EGFLAM: variants seen among roughly 807,000 people sequenced by gnomAD.
The protein encoded by EGFLAM is EGF like, fibronectin type III and laminin G domains, also known as pikachurin.
Under a neutral mutation model 113.1 loss-of-function variants are expected in EGFLAM, and 79 were observed. The observed-to-expected ratio is 0.70, with a 90% CI of 0.58 to 0.84. The LOEUF is 0.84. Among genes scored for constraint, EGFLAM ranks in the 40% least tolerant of loss-of-function variants. The pLI, the probability that EGFLAM is intolerant of heterozygous loss-of-function variation, is 0.00. For missense variants in EGFLAM, 1,265 were observed against 1,291.6 expected (o/e 0.98, Z 0.32); for synonymous variants, 504 against 487.6 (o/e 1.03, Z -0.44).
intron 5 of EGFLAM, among the ~76,000 whole-genome samples, chr5:38,369,462 T>C (rs1170193233): frequency 6.6e-6 from 1 of 152,192 alleles, no homozygotes; most frequent in African/African-American, 2.4e-5. Context: ...AAGTTACTAG[T>C]TCTGTGAAGA....
At chr5:38,310,960 C>T (rs1738425474) in intron 1 of EGFLAM, among the ~76,000 whole-genome samples, 1 of 152,022 alleles carries the variant, frequency 6.6e-6, no homozygotes, top group South Asian at 2.1e-4. Context: ...TCAGCACCTA[C>T]CCCGTCCTTA....
At chr5:38,422,066 C>T (rs994884732) in intron 12 of EGFLAM, among the ~76,000 whole-genome samples, 1 of 151,864 alleles carries the variant, frequency 6.6e-6, no homozygotes, top group Non-Finnish European at 1.5e-5. Flanking sequence ...AATAGGTGGG[C>T]CTCGGTTACG....
chr5:38,321,354 C>T (rs923557878), intron 1 of EGFLAM, among the ~76,000 whole-genome samples: 1 of 152,176 alleles, frequency 6.6e-6, no homozygotes, highest in African/African-American at 2.4e-5. Context: ...ACTGTAAATA[C>T]AGACGAAGCT....
chr5:38,452,307 C>T (rs889045397), intron 19 of EGFLAM, among the ~76,000 whole-genome samples: 2 of 152,232 alleles, frequency 1.3e-5, no homozygotes, highest in Admixed American at 6.5e-5. Context: ...GCTGGGATTA[C>T]AGGCATGAAT....
intron 12 of EGFLAM, among the ~76,000 whole-genome samples, chr5:38,421,643 T>C (rs1406221897): frequency 2.0e-5 from 3 of 152,196 alleles, no homozygotes; most frequent in African/African-American, 7.2e-5. Context: ...ATTAATATAG[T>C]AATCACACAG....
At chr5:38,438,603 A>G in intron 17 of EGFLAM, 148 bp downstream of exon 17, 4 of 791,044 alleles carry the variant, frequency 5.1e-6, no homozygotes, top group Non-Finnish European at 7.3e-6. Flanking sequence ...AACTTATTAG[A>G]TGATTATTTA....
At chr5:38,264,003 G>A (rs577294801) in intron 1 of EGFLAM, among the ~76,000 whole-genome samples, 3 of 152,264 alleles carry the variant, frequency 2.0e-5, no homozygotes, top group East Asian at 3.9e-4. Flanking sequence ...GGTATAGATC[G>A]TTTGTCTCTC....
chr5:38,338,300 C>T (rs1201750022), intron 2 of EGFLAM, among the ~76,000 whole-genome samples: 1 of 152,166 alleles, frequency 6.6e-6, no homozygotes, highest in Non-Finnish European at 1.5e-5. Flanking sequence ...GCTACTGTCT[C>T]CATTTCACCA....
chr5:38,362,388 G>C (rs1739946222), intron 5 of EGFLAM, among the ~76,000 whole-genome samples: 1 of 152,144 alleles, frequency 6.6e-6, no homozygotes, highest in Non-Finnish European at 1.5e-5. Context: ...ACATATGACT[G>C]CAATATTTAA....
chr5:38,352,346 CA>C lies in EGFLAM; in HGVS notation c.545+16del, dbSNP rs752462359. On this transcript the variant is annotated intron_variant, in intron 5 of 21. Transcript: ENST00000322350. The stretch of plus-strand genomic sequence containing the variant: ...GAATTCATCAGGTAAGTCTGTATGT[CA>C]CATTCAAAAGCCAAATGTGTGCTGG... The C allele has an allele frequency of 6.2e-7, 1 of 1,613,230 alleles. No homozygotes were observed. Among genetic ancestry groups the C allele is most frequent in the Non-Finnish European group, 8.5e-7 (1 of 1,179,448 alleles).
intron 16 of EGFLAM, 142 bp from the exon 17 acceptor site, chr5:38,438,133 A>G: frequency 1.3e-6 from 1 of 768,902 alleles, no homozygotes; most frequent in East Asian, 3.1e-5. Flanking sequence ...AAAAAAAAAA[A>G]AAAAAAAGTG....
At chr5:38,315,317 T>C (rs1738563240) in intron 1 of EGFLAM, among the ~76,000 whole-genome samples, 1 of 152,184 alleles carries the variant, frequency 6.6e-6, no homozygotes, top group African/African-American at 2.4e-5. Context: ...TGCCAGAAAA[T>C]AGACAATTCA....
At chr5:38,430,117 G>T in intron 14 of EGFLAM, 1 of 224,704 alleles carries the variant, frequency 4.5e-6, no homozygotes, top group South Asian at 7.4e-5. Context: ...AGTAGCATCT[G>T]GCCAGGACCA....
chr5:38,265,615 G>A (rs1402670506), intron 1 of EGFLAM, among the ~76,000 whole-genome samples: 1 of 152,174 alleles, frequency 6.6e-6, no homozygotes, highest in Non-Finnish European at 1.5e-5. Flanking sequence ...CCTCGCCTTC[G>A]AGGAAGGACC....
intron 6 of EGFLAM, among the ~76,000 whole-genome samples, chr5:38,402,292 G>A (rs540518123): frequency 6.6e-6 from 1 of 152,314 alleles, no homozygotes; most frequent in East Asian, 1.9e-4. Flanking sequence ...GTAGTCAAAA[G>A]AGAGACCAAG....
intron 12 of EGFLAM, among the ~76,000 whole-genome samples, chr5:38,419,767 C>G (rs1741768011): frequency 6.6e-6 from 1 of 152,178 alleles, no homozygotes; most frequent in Non-Finnish European, 1.5e-5. Flanking sequence ...AGTGCTCATG[C>G]CTGTAATCTC....
chr5:38,258,594 C>G lies in EGFLAM; in HGVS notation c.-161C>G, dbSNP rs930641164. 2 of 779,540 alleles carry G rather than the reference C, an allele frequency of 2.6e-6. No homozygotes were observed. The highest frequency in any genetic ancestry group is 4.3e-6 in the Non-Finnish European group (2 of 466,366). The allele number at this position is 779,540 out of a possible 1,614,324, so 48.3% of individuals were successfully genotyped here. On this transcript the variant is annotated 5_prime_UTR_variant, in exon 1 of 22. Coordinates refer to ENST00000322350, the MANE Select transcript of EGFLAM (RefSeq NM_152403.4). ...GCCGACCTCCCGGCTGCAGTCCTAC[C>G]TCTTGGAACTACCCGTGTTTCCGGG...
chr5:38,361,002 G>A (rs867849467), intron 5 of EGFLAM, among the ~76,000 whole-genome samples: 1 of 150,506 alleles, frequency 6.6e-6, no homozygotes, highest in South Asian at 2.1e-4. Context: ...TTACAGGCAT[G>A]TGCCACCACG....
intron 6 of EGFLAM, among the ~76,000 whole-genome samples, chr5:38,405,821 A>AT (rs1019796689): frequency 2.6e-5 from 4 of 152,222 alleles, no homozygotes; most frequent in African/African-American, 9.6e-5. Flanking sequence ...CAAGTACCAT[A>AT]TGAGTCCTCA....
Sources: gnomAD v4.1 joint callset for allele counts (sites outside exome capture counted in the v4.1 genomes callset) on GRCh38, gnomAD v4.1.1 for gene constraint, MANE v1.5 for transcripts, NCBI Gene and HGNC (gene_info 2026-07-23, HGNC 2026-07-21) for gene names.